Variants in AKT3 observed in about 807,000 individuals in gnomAD.
AKT3 encodes the protein RAC-gamma serine/threonine-protein kinase.
Under a neutral mutation model 65.3 loss-of-function variants are expected in AKT3, and 15 were observed. The ratio of observed to expected loss-of-function variants is 0.23; its 90% CI spans 0.15 to 0.35. The LOEUF (loss-of-function observed/expected upper bound fraction) is 0.35. Ranked by LOEUF, AKT3 falls within the 10% of genes least tolerant of loss-of-function variation. The pLI is 1.00. For missense variants in AKT3, 243 were observed against 576.5 expected (o/e 0.42, Z 5.92); for synonymous variants, 206 against 183.8 (o/e 1.12, Z -0.98).
intron 6 of AKT3, among the ~76,000 whole-genome samples, chr1:243,615,423 T>C (rs1334776536): frequency 6.6e-6 from 1 of 152,060 alleles, no homozygotes; most frequent in African/African-American, 2.4e-5. Flanking sequence ...GATACAAAAA[T>C]CAGTCAGAAA....
At chr1:243,776,248 GAC>G (rs1355560808) in intron 2 of AKT3, among the ~76,000 whole-genome samples, 4 of 152,078 alleles carry the variant, frequency 2.6e-5, no homozygotes, top group African/African-American at 9.7e-5. Context: ...GGTTAAATAA[GAC>G]ATTTTTTATG....
chr1:243,634,911 A>C (rs1230583328), intron 6 of AKT3, among the ~76,000 whole-genome samples: 2 of 151,934 alleles, frequency 1.3e-5, no homozygotes, highest in African/African-American at 4.8e-5. Context: ...AGAAAGAAGT[A>C]AGGCAACGGA....
intron 2 of AKT3, among the ~76,000 whole-genome samples, chr1:243,813,815 A>G (rs915639996): frequency 6.6e-6 from 1 of 152,182 alleles, no homozygotes; most frequent in African/African-American, 2.4e-5. Context: ...AATTTTAAAG[A>G]GTATATGGAC....
chr1:243,492,237 G>A (rs577993029), intron 13 of AKT3, among the ~76,000 whole-genome samples: 10 of 150,590 alleles, frequency 6.6e-5, no homozygotes, highest in Admixed American at 1.3e-4. Flanking sequence ...GCTCCCCGGC[G>A]CTGTCTGCGG....
intron 2 of AKT3, among the ~76,000 whole-genome samples, chr1:243,700,079 CTTT>C (rs926127950): frequency 6.6e-6 from 1 of 152,076 alleles, no homozygotes; most frequent in African/African-American, 2.4e-5. Flanking sequence ...ATGCCACCCA[CTTT>C]TTATTAATTT....
At chr1:243,549,796 CAG>C (rs1672918553) in intron 11 of AKT3, among the ~76,000 whole-genome samples, 1 of 152,276 alleles carries the variant, frequency 6.6e-6, no homozygotes, top group East Asian at 1.9e-4. Context: ...ACAAAGCTGC[CAG>C]AGTTACCTTT....
At chr1:243,574,663 ATAGT>A (rs1674811242) in intron 8 of AKT3, among the ~76,000 whole-genome samples, 1 of 152,184 alleles carries the variant, frequency 6.6e-6, no homozygotes, top group African/African-American at 2.4e-5. Flanking sequence ...TTCATTTCAT[ATAGT>A]TAGATATATA....
intron 2 of AKT3, among the ~76,000 whole-genome samples, chr1:243,790,142 T>C (rs1374635899): frequency 6.6e-6 from 1 of 152,186 alleles, no homozygotes; most frequent in Non-Finnish European, 1.5e-5. Flanking sequence ...ACCAAGAAAG[T>C]CACTGTCCTT....
intron 3 of AKT3, among the ~76,000 whole-genome samples, chr1:243,678,995 A>T (rs1435905490): frequency 6.6e-6 from 1 of 152,124 alleles, no homozygotes; most frequent in Non-Finnish European, 1.5e-5. Flanking sequence ...CGAGACAGAA[A>T]GACTAACGCC....
chr1:243,683,560 T>A (rs1684071333), intron 3 of AKT3, among the ~76,000 whole-genome samples: 1 of 152,090 alleles, frequency 6.6e-6, no homozygotes, highest in African/African-American at 2.4e-5. Context: ...TAAAAATAAT[T>A]GAGTGATACT....
At chr1:243,789,214 C>T (rs906799824) in intron 2 of AKT3, among the ~76,000 whole-genome samples, 13 of 152,124 alleles carry the variant, frequency 8.5e-5, no homozygotes, top group Admixed American at 5.9e-4. Flanking sequence ...CCTGTCTGTA[C>T]AAAAGATAAT....
chr1:243,500,086 T>TAA lies in AKT3; in HGVS notation c.*5161_*5162dup, dbSNP rs1034870359. On this transcript the variant is annotated 3_prime_UTR_variant, in exon 14 of 14. Transcript: ENST00000673466. The stretch of plus-strand genomic sequence containing the variant: ...TATGATTTTCAATAAATGAACTTTT[T>TAA]AAAGACTTGAGTTGTAATGTTTCCT... The TAA allele has an allele frequency of 1.2e-5, 5 of 418,872 alleles. No individual in the cohort carries two copies. The highest frequency in any genetic ancestry group is 9.8e-5 in the African/African-American group (5 of 51,070). 25.9% of individuals were successfully genotyped at this position (418,872 alleles called of 1,614,324 possible). A position where few individuals can be genotyped will look rare whatever the true frequency, so the allele number is the denominator to read the frequency against.
intron 2 of AKT3, among the ~76,000 whole-genome samples, chr1:243,780,985 T>C (rs961991039): frequency 1.3e-5 from 2 of 152,090 alleles, no homozygotes; most frequent in African/African-American, 4.8e-5. Context: ...TTTAAATTTG[T>C]TTTAATTGCA....
chr1:243,720,587 T>C (rs1480262024), intron 2 of AKT3, among the ~76,000 whole-genome samples: 2 of 152,118 alleles, frequency 1.3e-5, no homozygotes, highest in African/African-American at 2.4e-5. Flanking sequence ...ACTTGGCCTG[T>C]CTGCTCTGGT....
chr1:243,647,204 CAAT>C (rs1680887467), intron 4 of AKT3, among the ~76,000 whole-genome samples: 1 of 152,192 alleles, frequency 6.6e-6, no homozygotes, highest in Non-Finnish European at 1.5e-5. Flanking sequence ...CACCACATAA[CAAT>C]GTTTCAGTCA....
chr1:243,523,633 C>A (rs555871692), intron 12 of AKT3, among the ~76,000 whole-genome samples: 1 of 152,212 alleles, frequency 6.6e-6, no homozygotes, highest in East Asian at 1.9e-4. Context: ...CATACTAAAG[C>A]ATCACAATAT....
rs1217933165 is a variant in AKT3 at position 243,624,712 on chromosome 1, A to G, written c.562-9551T>C. 3 of 201,458 alleles carry G rather than the reference A, an allele frequency of 1.5e-5. No homozygotes were observed. In the East Asian group the frequency reaches 3.7e-4, roughly 25 times the overall value. 12.5% of individuals were successfully genotyped at this position (201,458 alleles called of 1,614,324 possible). ...ACCACATCATCACCAAAAGTAAGTC[A>G]TAACCATTTCACCATACTTAATTTC... On this transcript the variant is annotated intron_variant, in intron 6 of 13. Transcript: ENST00000673466.
chr1:243,581,024 A>G (rs578071632), intron 8 of AKT3, among the ~76,000 whole-genome samples: 12 of 152,164 alleles, frequency 7.9e-5, no homozygotes, highest in African/African-American at 2.7e-4. Context: ...TGCTCTAGGC[A>G]TCTTGAGCAC....
At chr1:243,824,710 C>G (rs1572412222) in intron 2 of AKT3, among the ~76,000 whole-genome samples, 1 of 151,810 alleles carries the variant, frequency 6.6e-6, no homozygotes, top group Non-Finnish European at 1.5e-5. Flanking sequence ...GGAGATACCA[C>G]CTCACACCAG....
Sources: gnomAD v4.1 joint callset for allele counts (sites outside exome capture counted in the v4.1 genomes callset) on GRCh38, gnomAD v4.1.1 for gene constraint, MANE v1.5 for transcripts, NCBI Gene and HGNC (gene_info 2026-07-23, HGNC 2026-07-21) for gene names.